MAD1L1: variants seen among roughly 807,000 people sequenced by gnomAD.
MAD1L1 encodes the protein mitotic spindle assembly checkpoint protein MAD1.
A neutral mutation model predicts 96.9 loss-of-function variants in MAD1L1; 95 were observed. The observed-to-expected ratio is 0.98, with a 90% CI of 0.83 to 1.16. The LOEUF (loss-of-function observed/expected upper bound fraction) is 1.16, where lower values mean the gene tolerates loss of function less well. MAD1L1 is among the 50% of genes most tolerant of loss of function. MAD1L1 has a pLI of 0.00. For missense variants in MAD1L1, 1,007 were observed against 954.4 expected, an observed-to-expected ratio of 1.06 and a Z score of -0.73; for synonymous variants, 473 against 396.6, an observed-to-expected ratio of 1.19 and a Z score of -2.29.
intron 12 of MAD1L1, among the ~76,000 whole-genome samples, chr7:2,028,885 A>G (rs1484284345): frequency 6.6e-6 from 1 of 152,134 alleles, no homozygotes; most frequent in Non-Finnish European, 1.5e-5. Flanking sequence ...GAAAAAAAAA[A>G]TAAGGCTTCA....
chr7:2,028,424 CAA>C (rs56189973), intron 12 of MAD1L1, among the ~76,000 whole-genome samples: 4,163 of 86,062 alleles, frequency 0.048, 59 homozygotes, highest in African/African-American at 0.065. Flanking sequence ...GACTCCATCT[CAA>C]AAAAAAAAAA....
chr7:2,060,799 A>G (rs1245191714), intron 12 of MAD1L1, among the ~76,000 whole-genome samples: 1 of 152,234 alleles, frequency 6.6e-6, no homozygotes, highest in Non-Finnish European at 1.5e-5. Context: ...GGTAAACAAT[A>G]AAGTGTTTAG....
intron 11 of MAD1L1, among the ~76,000 whole-genome samples, chr7:2,137,321 A>AT (rs1788801728): frequency 6.6e-6 from 1 of 152,188 alleles, no homozygotes; most frequent in Non-Finnish European, 1.5e-5. Context: ...GGGGGCCAAG[A>AT]AAGATGTTCG....
chr7:2,052,376 C>T (rs1226857638), intron 12 of MAD1L1, among the ~76,000 whole-genome samples: 1 of 150,866 alleles, frequency 6.6e-6, no homozygotes, highest in Non-Finnish European at 1.5e-5. Context: ...GACAGAATGC[C>T]CAACAGACAG....
intron 17 of MAD1L1, among the ~76,000 whole-genome samples, chr7:1,905,781 G>A (rs1787589190): frequency 6.6e-6 from 1 of 152,162 alleles, no homozygotes. Flanking sequence ...TGGGCACAGT[G>A]GCTCACACCT....
At chr7:1,882,264 C>T (rs529395135) in intron 18 of MAD1L1, among the ~76,000 whole-genome samples, 89 of 152,322 alleles carry the variant, frequency 5.8e-4, no homozygotes, top group African/African-American at 1.9e-3. Flanking sequence ...TGTTAGCACA[C>T]GCGAACATAG....
chr7:1,846,869 G>A, intron 18 of MAD1L1: 1 of 236,728 alleles, frequency 4.2e-6, no homozygotes, highest in Non-Finnish European at 8.3e-6. Flanking sequence ...CATTTCATCA[G>A]CACCCGCAGC....
chr7:2,031,475 G>T (rs981254188), intron 12 of MAD1L1, among the ~76,000 whole-genome samples: 4 of 152,214 alleles, frequency 2.6e-5, no homozygotes, highest in African/African-American at 7.2e-5. Context: ...GATTTCCCGA[G>T]GCAATTTTAC....
chr7:2,193,615 C>T (rs1286320826), intron 10 of MAD1L1: 2 of 152,284 alleles, frequency 1.3e-5, no homozygotes, highest in African/African-American at 2.4e-5. Context: ...CACTTCTCAA[C>T]CCTGGGAGCA....
chr7:2,139,078 C>T (rs552935206), intron 11 of MAD1L1, among the ~76,000 whole-genome samples: 1 of 152,178 alleles, frequency 6.6e-6, no homozygotes, highest in South Asian at 2.1e-4. Context: ...AGGCCAGAGG[C>T]GAGGAGGAAG....
intron 11 of MAD1L1, among the ~76,000 whole-genome samples, chr7:2,139,318 C>T (rs559083769): frequency 1.3e-5 from 2 of 151,692 alleles, no homozygotes; most frequent in Non-Finnish European, 2.9e-5. Context: ...GCTCACGGGA[C>T]CACCCTCCCT....
chr7:2,121,661 G>A (rs897064910), intron 11 of MAD1L1, among the ~76,000 whole-genome samples: 3 of 152,232 alleles, frequency 2.0e-5, no homozygotes, highest in Admixed American at 6.5e-5. Context: ...CCAGAGCCAA[G>A]GTGGCCAAAC....
chr7:1,910,740 C>A (rs1429830661), intron 17 of MAD1L1, among the ~76,000 whole-genome samples: 1 of 152,206 alleles, frequency 6.6e-6, no homozygotes, highest in Non-Finnish European at 1.5e-5. Context: ...TGAGTAGGTG[C>A]CTGTCCGGGG....
chr7:1,990,408 G>A (rs895348370), intron 14 of MAD1L1, among the ~76,000 whole-genome samples: 13 of 152,194 alleles, frequency 8.5e-5, no homozygotes, highest in African/African-American at 2.7e-4. Context: ...AGGAGGCCTC[G>A]GGGGGATCTT....
intron 7 of MAD1L1, among the ~76,000 whole-genome samples, chr7:2,217,624 G>A (rs1793362278): frequency 6.6e-6 from 1 of 152,248 alleles, no homozygotes; most frequent in African/African-American, 2.4e-5. Flanking sequence ...CTGAGACCCA[G>A]CTCCAGCTGT....
intron 10 of MAD1L1, among the ~76,000 whole-genome samples, chr7:2,161,009 C>T (rs1790082532): frequency 1.3e-5 from 2 of 150,858 alleles, no homozygotes; most frequent in African/African-American, 4.9e-5. Context: ...TGACGCTCAG[C>T]TATGCATAAC....
At chr7:1,865,264 T>C (rs1394691743) in intron 18 of MAD1L1, among the ~76,000 whole-genome samples, 1 of 151,062 alleles carries the variant, frequency 6.6e-6, no homozygotes, top group Non-Finnish European at 1.5e-5. Context: ...TGGCTCCTCC[T>C]TGGGGAAAGA....
intron 1 of MAD1L1, among the ~76,000 whole-genome samples, 173 bp downstream of exon 1, chr7:2,232,699 G>A (rs1187376994): frequency 2.0e-5 from 3 of 152,170 alleles, no homozygotes; most frequent in East Asian, 3.9e-4. Flanking sequence ...GCACAGAGAG[G>A]AGAGCGCGCC....
chr7:1,938,731 G>T (rs1161362582), intron 16 of MAD1L1, among the ~76,000 whole-genome samples: 1 of 145,442 alleles, frequency 6.9e-6, no homozygotes, highest in Non-Finnish European at 1.5e-5. Context: ...CAGGGCTGGG[G>T]CCAGAGGCGC....
Sources: allele counts gnomAD v4.1 joint callset (sites outside exome capture counted in the v4.1 genomes callset), GRCh38; gene constraint gnomAD v4.1.1; transcripts MANE v1.5; gene names NCBI Gene and HGNC (gene_info 2026-07-23, HGNC 2026-07-21).